CA10: variants seen among roughly 807,000 people sequenced by gnomAD.
CA10 encodes carbonic anhydrase-related protein 10.
A neutral mutation model predicts 44.2 loss-of-function variants in CA10; 14 were observed. That is an observed-to-expected ratio of 0.32 (90% confidence interval 0.21 to 0.50). The LOEUF (loss-of-function observed/expected upper bound fraction) is 0.50. Ranked by LOEUF, CA10 falls within the 20% of genes least tolerant of loss-of-function variation. The probability of loss-of-function intolerance (pLI) is 0.99; values close to 1 mark genes in which losing one functional copy is unlikely to be tolerated. For missense variants in CA10, 350 were observed against 409.7 expected (o/e 0.85, Z 1.26); for synonymous variants, 159 against 141.6 (o/e 1.12, Z -0.87).
chr17:51,672,936 C>T (rs1310174562), intron 4 of CA10, among the ~76,000 whole-genome samples: 1 of 152,164 alleles, frequency 6.6e-6, no homozygotes, highest in Non-Finnish European at 1.5e-5. Context: ...GGAGGGGAGA[C>T]TTGGAAGAAC....
intron 3 of CA10, among the ~76,000 whole-genome samples, chr17:51,810,469 AG>A (rs757134152): frequency 2.0e-5 from 3 of 152,276 alleles, no homozygotes; most frequent in Non-Finnish European, 4.4e-5. Context: ...GTATGGAATC[AG>A]GGCAAGAGCG....
At chr17:51,695,643 G>T (rs1349120803) in intron 4 of CA10, among the ~76,000 whole-genome samples, 1 of 151,996 alleles carries the variant, frequency 6.6e-6, no homozygotes. Context: ...TTTCCTATTT[G>T]GATGCCTTTT....
chr17:51,737,679 T>A (rs1158719125), intron 4 of CA10, among the ~76,000 whole-genome samples: 3 of 152,140 alleles, frequency 2.0e-5, no homozygotes, highest in Admixed American at 2.0e-4. Flanking sequence ...ATCTTCTAAG[T>A]CAAAATGTTG....
At chr17:51,889,010 C>CT (rs1300105586) in intron 3 of CA10, among the ~76,000 whole-genome samples, 7 of 152,058 alleles carry the variant, frequency 4.6e-5, no homozygotes, top group African/African-American at 1.7e-4. Context: ...TAGAAGTTGG[C>CT]CGGGAGCTCA....
At position 52,068,002 on chromosome 17, in the gene CA10, G is replaced by A. The variant is rs144325275; in HGVS notation, c.136+4317C>T. On this transcript the variant is annotated intron_variant, in intron 2 of 8. Coordinates refer to ENST00000451037, the MANE Select transcript of CA10 (RefSeq NM_020178.5). ...GACTTTTGAGTTAATGCTGAAATGA[G>A]TTAAGACTTTGCAGGACAGTTGGGT... is the stretch of plus-strand genomic sequence containing the variant. 1.2e-3 allele frequency among the ~76,000 whole-genome samples: 187 copies of A among 152,314 alleles called. 5 individuals are homozygous for A. In the South Asian group the frequency reaches 0.023, roughly 19 times the overall value.
rs184690618 is a variant in CA10, at chr17:52,108,972, A to G, written c.62-36579T>C. On this transcript the variant is annotated intron_variant, in intron 1 of 8. Coordinates refer to ENST00000451037, the MANE Select transcript of CA10 (RefSeq NM_020178.5). ...AAAAAGTGAAAAACACAGGATCTGT[A>G]TATTAAATTACAAATTGCTGATGAA... 2.5e-3 allele frequency among the ~76,000 whole-genome samples: 387 copies of G among 152,306 alleles called. 3 individuals are homozygous for G. Among genetic ancestry groups the G allele is most frequent in the African/African-American group, 8.9e-3 (371 of 41,584 alleles).
intron 2 of CA10, among the ~76,000 whole-genome samples, chr17:52,037,284 T>C (rs1161416605): frequency 6.6e-6 from 1 of 152,080 alleles, no homozygotes. Context: ...AAAGTCAGCA[T>C]TGAGAAGTAG....
chr17:51,821,159 A>G (rs1907780780), intron 3 of CA10, among the ~76,000 whole-genome samples: 1 of 144,302 alleles, frequency 6.9e-6, no homozygotes, highest in African/African-American at 2.6e-5. Context: ...TTATTGTGCA[A>G]TGCCAGGTAC....
chr17:51,881,242 GAA>G (rs11423498), intron 3 of CA10, among the ~76,000 whole-genome samples: 7,450 of 123,616 alleles, frequency 0.06, 288 homozygotes, highest in African/African-American at 0.15. Context: ...TCCGTCTCAA[GAA>G]AAAAAAAAAA....
At chr17:52,083,774 C>T (rs904885256) in intron 1 of CA10, among the ~76,000 whole-genome samples, 11 of 151,640 alleles carry the variant, frequency 7.3e-5, no homozygotes, top group African/African-American at 1.5e-4. Flanking sequence ...TAGTATTCCA[C>T]GGTATGGATA....
chr17:51,891,117 G>A (rs1318031819), intron 3 of CA10, among the ~76,000 whole-genome samples: 2 of 152,078 alleles, frequency 1.3e-5, no homozygotes, highest in South Asian at 2.1e-4. Context: ...AAAACAAAAC[G>A]AAATAGCCCA....
chr17:52,056,303 G>T (rs766160461), intron 2 of CA10, among the ~76,000 whole-genome samples: 2 of 152,098 alleles, frequency 1.3e-5, no homozygotes, highest in Non-Finnish European at 2.9e-5. Flanking sequence ...AAGGCAGCTT[G>T]CAGGGCAATT....
At chr17:52,055,864 A>G (rs937599072) in intron 2 of CA10, among the ~76,000 whole-genome samples, 12 of 152,170 alleles carry the variant, frequency 7.9e-5, no homozygotes, top group Non-Finnish European at 1.5e-4. Context: ...CTCTAAGAAT[A>G]AGGCAGATAG....
intron 4 of CA10, among the ~76,000 whole-genome samples, chr17:51,699,193 G>A (rs540035376): frequency 1.3e-5 from 2 of 152,002 alleles, no homozygotes; most frequent in South Asian, 4.2e-4. Context: ...TATGGTGGCG[G>A]GCACTTGTAA....
intron 4 of CA10, among the ~76,000 whole-genome samples, chr17:51,671,979 C>T (rs943449714): frequency 6.6e-6 from 1 of 152,154 alleles, no homozygotes; most frequent in Non-Finnish European, 1.5e-5. Flanking sequence ...ACAAATCTAA[C>T]CCTAGCCTTG....
Position 51,649,198 on chromosome 17 carries a change from T to A in CA10, c.618A>T (p.Thr206=). 1.2e-6 allele frequency: 2 copies of A among 1,612,888 alleles called. No individual in the cohort carries two copies. The highest frequency in any genetic ancestry group is 1.7e-6 in the Non-Finnish European group (2 of 1,178,878). The change falls in exon 6 of 9, where the codon ACA becomes ACT. Residue 206 remains threonine, a synonymous_variant. Transcript: ENST00000451037. The stretch of plus-strand genomic sequence containing the variant: ...CAAACTTACTTTTATATGTTATTCT[T>A]GTGATAGTATCTCTGTTGAGCATTC... ...LNRMLNRDTI[T]RITYKNDAYL...
intron 4 of CA10, among the ~76,000 whole-genome samples, chr17:51,689,754 C>A (rs1369429411): frequency 6.6e-6 from 1 of 152,102 alleles, no homozygotes; most frequent in Non-Finnish European, 1.5e-5. Context: ...TTTTCCCTCC[C>A]TTTCTTCCTT....
At chr17:51,734,167 C>T in intron 4 of CA10, among the ~76,000 whole-genome samples, 1 of 120,056 alleles carries the variant, frequency 8.3e-6, no homozygotes. Flanking sequence ...AGTGTGTACT[C>T]AATCTTTGGT....
At chr17:51,872,688 A>G (rs1365353896) in intron 3 of CA10, among the ~76,000 whole-genome samples, 1 of 152,228 alleles carries the variant, frequency 6.6e-6, no homozygotes, top group Admixed American at 6.5e-5. Flanking sequence ...GCAAGAGCCA[A>G]TTGTTAAATT....
Sources: allele counts gnomAD v4.1 joint callset (sites outside exome capture counted in the v4.1 genomes callset), GRCh38; gene constraint gnomAD v4.1.1; transcripts MANE v1.5; gene names NCBI Gene and HGNC (gene_info 2026-07-23, HGNC 2026-07-21).